The following TRPM3 variants were observed in gnomAD, a reference collection of about 807,000 sequenced individuals.
TRPM3 encodes the protein long transient receptor potential channel 3.
A neutral mutation model predicts 181.2 loss-of-function variants in TRPM3; 77 were observed. That is an observed-to-expected ratio of 0.42 (90% CI 0.35 to 0.51). The LOEUF is 0.51. Among genes scored for constraint, TRPM3 ranks in the 20% least tolerant of loss-of-function variants. TRPM3 has a pLI of 0.01. For synonymous variants in TRPM3, 745 were observed against 796.4 expected, an observed-to-expected ratio of 0.94 and a Z score of 1.09; for missense variants, 1,759 against 2,196.7, an observed-to-expected ratio of 0.80 and a Z score of 3.98.
intron 1 of TRPM3, among the ~76,000 whole-genome samples, chr9:71,376,143 G>A (rs1234911282): frequency 6.6e-6 from 1 of 151,876 alleles, no homozygotes; most frequent in Non-Finnish European, 1.5e-5. Context: ...AGGAGGTGGG[G>A]TGATATTGCA....
chr9:71,249,417 G>T (rs893607869), intron 1 of TRPM3, among the ~76,000 whole-genome samples: 3 of 152,034 alleles, frequency 2.0e-5, no homozygotes, highest in African/African-American at 4.8e-5. Flanking sequence ...TGTATAAATA[G>T]TCTATTTTAC....
intron 1 of TRPM3, among the ~76,000 whole-genome samples, chr9:71,364,011 C>T (rs1457729948): frequency 6.6e-6 from 1 of 152,030 alleles, no homozygotes; most frequent in Non-Finnish European, 1.5e-5. Flanking sequence ...GTTCATTTAG[C>T]TTTTGAAAGC....
chr9:70,955,699 T>C (rs944280341), intron 1 of TRPM3, among the ~76,000 whole-genome samples: 6 of 152,192 alleles, frequency 3.9e-5, no homozygotes, highest in Non-Finnish European at 7.3e-5. Flanking sequence ...CCAAGTAAGA[T>C]AGCAACTGCC....
chr9:71,141,691 C>T lies in TRPM3; in HGVS notation c.184-277180G>A, dbSNP rs535813401. ...AAGCAGATCTCTGAGGCTTGAATGA[C>T]GGGATTAATATTATCACTACCACTT... On this transcript the variant is annotated intron_variant, in intron 1 of 24. Coordinates refer to the TRPM3 transcript ENST00000357533. Among the ~76,000 whole-genome samples, 22 of 152,198 alleles carry T rather than the reference C, an allele frequency of 1.4e-4. No homozygotes were observed. In the South Asian group the frequency reaches 3.7e-3, roughly 26 times the overall value.
intron 1 of TRPM3, among the ~76,000 whole-genome samples, chr9:71,051,473 T>C (rs1443724939): frequency 2.0e-5 from 3 of 152,138 alleles, no homozygotes; most frequent in Non-Finnish European, 4.4e-5. Flanking sequence ...TAGTCAGTTA[T>C]GGAGCTGACA....
At chr9:70,904,354 T>TAAAAATAAG (rs2096432357) in intron 1 of TRPM3, among the ~76,000 whole-genome samples, 2 of 152,200 alleles carry the variant, frequency 1.3e-5, no homozygotes, top group Admixed American at 1.3e-4. Flanking sequence ...TTCTGTGAAG[T>TAAAAATAAG]TACTTATTTT....
intron 1 of TRPM3, among the ~76,000 whole-genome samples, chr9:71,331,477 T>C (rs1316541516): frequency 6.6e-6 from 1 of 151,880 alleles, no homozygotes; most frequent in African/African-American, 2.4e-5. Flanking sequence ...ACATTTTATA[T>C]GACTTATATT....
At chr9:71,108,539 T>C (rs1447076622) in intron 1 of TRPM3, among the ~76,000 whole-genome samples, 4 of 152,136 alleles carry the variant, frequency 2.6e-5, no homozygotes, top group South Asian at 2.1e-4. Context: ...AGATTTTCCA[T>C]AGGAAAATGG....
At chr9:71,186,576 A>C (rs1025570816) in intron 1 of TRPM3, among the ~76,000 whole-genome samples, 1 of 152,014 alleles carries the variant, frequency 6.6e-6, no homozygotes, top group Non-Finnish European at 1.5e-5. Flanking sequence ...CACTGTATGT[A>C]AAAAAATACA....
chr9:70,985,427 T>C (rs2134065472), intron 1 of TRPM3, among the ~76,000 whole-genome samples: 1 of 152,312 alleles, frequency 6.6e-6, no homozygotes, highest in South Asian at 2.1e-4. Context: ...GGCAACCCAG[T>C]GCTCTGGCAG....
intron 1 of TRPM3, among the ~76,000 whole-genome samples, chr9:71,276,057 G>A (rs1445694369): frequency 1.3e-5 from 2 of 152,076 alleles, no homozygotes; most frequent in Admixed American, 6.6e-5. Context: ...TAGCCAGGAT[G>A]GTCTTGATCT....
chr9:71,391,985 T>G (rs571443589), intron 1 of TRPM3, among the ~76,000 whole-genome samples: 1 of 152,110 alleles, frequency 6.6e-6, no homozygotes, highest in East Asian at 1.9e-4. Flanking sequence ...GTTATTTCTA[T>G]GGGCTACAGT....
chr9:71,180,304 C>T (rs979166580), intron 1 of TRPM3, among the ~76,000 whole-genome samples: 2 of 152,098 alleles, frequency 1.3e-5, no homozygotes, highest in East Asian at 1.9e-4. Context: ...ATCCACCCAC[C>T]TTGGCCTCCC....
At chr9:71,060,847 T>C (rs1464262910) in intron 1 of TRPM3, among the ~76,000 whole-genome samples, 1 of 152,100 alleles carries the variant, frequency 6.6e-6, no homozygotes, top group Non-Finnish European at 1.5e-5. Flanking sequence ...ATAAGCTTGG[T>C]CCCTGCCTAG....
In TRPM3 at chr9:70,917,313, T is replaced by A; in HGVS notation, c.178-52802A>T. 3.9e-6 allele frequency: 5 copies of A among 1,272,888 alleles called. No homozygotes were observed. In the South Asian group the frequency reaches 6.0e-5, roughly 15 times the overall value. The allele number at this position is 1,272,888 out of a possible 1,614,324, so 78.8% of individuals were successfully genotyped here. A position where few individuals can be genotyped will look rare whatever the true frequency, so the allele number is the denominator to read the frequency against. On this transcript the variant is annotated intron_variant, in intron 1 of 25. Coordinates refer to ENST00000677713, the MANE Select transcript of TRPM3 (RefSeq NM_001366145.2). ...CGAAAGTGGTATATTATTAATGGAG[T>A]TTCATGAAATATTGCTCCAGAATAT...
chr9:71,380,072 T>C (rs991423704), intron 1 of TRPM3, among the ~76,000 whole-genome samples: 1 of 151,994 alleles, frequency 6.6e-6, no homozygotes, highest in African/African-American at 2.4e-5. Context: ...GTATGTATAG[T>C]TTCAGGAAAT....
At chr9:70,588,675 G>A (rs148866579) in intron 22 of TRPM3, among the ~76,000 whole-genome samples, 1 of 152,120 alleles carries the variant, frequency 6.6e-6, no homozygotes, top group African/African-American at 2.4e-5. Flanking sequence ...ACCTGGGCAC[G>A]ACACAGAAAA....
In TRPM3 at chr9:70,664,659, T is replaced by TTG. The variant is rs1564760404; in HGVS notation, c.1345+16846_1345+16847insCA. ...GAGAGTAGTTTTTTTTTTTTTTTTT[T>TTG]TTTTTTTTTGAGACTGAGTCTCACT... is the stretch of plus-strand genomic sequence containing the variant. On this transcript the variant is annotated intron_variant, in intron 9 of 25. Coordinates refer to ENST00000677713, the MANE Select transcript of TRPM3 (RefSeq NM_001366145.2). 1.2e-3 allele frequency among the ~76,000 whole-genome samples: 154 copies of TTG among 124,146 alleles called. 2 individuals are homozygous for TTG. The South Asian group carries it at 0.014, about 12-fold the overall frequency. The allele number at this position is 124,146 out of a possible 152,430, so 81.4% of individuals were successfully genotyped here.
At chr9:71,141,492 G>C (rs2075097039) in intron 1 of TRPM3, among the ~76,000 whole-genome samples, 1 of 152,138 alleles carries the variant, frequency 6.6e-6, no homozygotes, top group African/African-American at 2.4e-5. Context: ...TTATTTCAAA[G>C]TAATATAGAC....
Sources: gnomAD v4.1 joint callset for allele counts (sites outside exome capture counted in the v4.1 genomes callset) on GRCh38, gnomAD v4.1.1 for gene constraint, MANE v1.5 for transcripts, NCBI Gene and HGNC (gene_info 2026-07-23, HGNC 2026-07-21) for gene names.